Variants in AUTS2 observed in about 807,000 individuals in gnomAD.
AUTS2 encodes activator of transcription and developmental regulator AUTS2, also known as autism susceptibility gene 2 protein.
A neutral mutation model predicts 112.4 loss-of-function variants in AUTS2; 17 were observed. The ratio of observed to expected loss-of-function variants is 0.15; its 90% confidence interval spans 0.10 to 0.23. The LOEUF is 0.23. AUTS2 is among the 10% of genes least tolerant of loss of function. AUTS2 has a pLI of 1.00. For synonymous variants in AUTS2, 751 were observed against 702.7 expected, an observed-to-expected ratio of 1.07 and a Z score of -1.09; for missense variants, 1,510 against 1,701.6, an observed-to-expected ratio of 0.89 and a Z score of 1.98.
chr7:69,731,784 G>T (rs1223495219), intron 1 of AUTS2, among the ~76,000 whole-genome samples: 1 of 152,102 alleles, frequency 6.6e-6, no homozygotes, highest in Non-Finnish European at 1.5e-5. Context: ...TGAACACAAA[G>T]GTTATGTCTT....
At chr7:69,926,966 T>C (rs1328503530) in intron 2 of AUTS2, among the ~76,000 whole-genome samples, 2 of 146,620 alleles carry the variant, frequency 1.4e-5, no homozygotes, top group East Asian at 2.0e-4. Flanking sequence ...AACATATATA[T>C]TATATATATA....
intron 2 of AUTS2, among the ~76,000 whole-genome samples, chr7:69,987,599 G>A (rs1276275127): frequency 1.3e-5 from 2 of 152,042 alleles, no homozygotes; most frequent in East Asian, 1.9e-4. Context: ...CTCTGTAGCC[G>A]GGACTACAGG....
intron 5 of AUTS2, among the ~76,000 whole-genome samples, chr7:70,558,135 A>G (rs977539203): frequency 6.6e-6 from 1 of 152,056 alleles, no homozygotes; most frequent in Non-Finnish European, 1.5e-5. Context: ...CAGAAGTTGG[A>G]GTTCTGACAG....
At chr7:70,047,213 G>C (rs1331731096) in intron 2 of AUTS2, among the ~76,000 whole-genome samples, 3 of 152,142 alleles carry the variant, frequency 2.0e-5, no homozygotes. Flanking sequence ...GGCCAGTACT[G>C]CCTCTTTAGA....
chr7:70,762,396 C>T (rs537368895), intron 6 of AUTS2, among the ~76,000 whole-genome samples: 6 of 152,088 alleles, frequency 3.9e-5, no homozygotes, highest in East Asian at 1.9e-4. Context: ...CTCAGCCTCC[C>T]GAGTAGCTTG....
intron 1 of AUTS2, among the ~76,000 whole-genome samples, chr7:69,701,744 A>G (rs372138659): frequency 7.9e-5 from 12 of 152,220 alleles, no homozygotes; most frequent in East Asian, 3.8e-4. Flanking sequence ...AGTCTCATAA[A>G]AGAGCTTGAG....
chr7:69,765,001 A>T (rs1788358838), intron 1 of AUTS2, among the ~76,000 whole-genome samples: 1 of 152,146 alleles, frequency 6.6e-6, no homozygotes, highest in Non-Finnish European at 1.5e-5. Context: ...AATATTTCTG[A>T]GAGTTTTAAA....
intron 18 of AUTS2, among the ~76,000 whole-genome samples, chr7:70,789,044 G>A (rs1791701641): frequency 6.6e-6 from 1 of 152,174 alleles, no homozygotes; most frequent in African/African-American, 2.4e-5. Flanking sequence ...TTCGTGTTTA[G>A]GGACCTGCTT....
At chr7:70,112,454 A>G (rs970129573) in intron 2 of AUTS2, among the ~76,000 whole-genome samples, 1 of 152,028 alleles carries the variant, frequency 6.6e-6, no homozygotes, top group Non-Finnish European at 1.5e-5. Context: ...ACTGTATATT[A>G]ACTAAGTCAA....
At chr7:70,550,477 C>T (rs1800973839) in intron 5 of AUTS2, among the ~76,000 whole-genome samples, 1 of 152,110 alleles carries the variant, frequency 6.6e-6, no homozygotes, top group Admixed American at 6.6e-5. Context: ...CCTGTGTCCT[C>T]AAAGAAGTTA....
intron 5 of AUTS2, among the ~76,000 whole-genome samples, chr7:70,564,540 G>A (rs1801623515): frequency 1.3e-5 from 2 of 152,128 alleles, no homozygotes; most frequent in African/African-American, 4.8e-5. Flanking sequence ...TTCAAGCTTA[G>A]TCTATTAATA....
chr7:70,101,537 A>G (rs1220833927), intron 2 of AUTS2, among the ~76,000 whole-genome samples: 1 of 152,078 alleles, frequency 6.6e-6, no homozygotes, highest in Non-Finnish European at 1.5e-5. Context: ...TTTACTAAAA[A>G]TACAAAAATT....
chr7:69,980,268 A>G (rs1404631358), intron 2 of AUTS2, among the ~76,000 whole-genome samples: 2 of 152,076 alleles, frequency 1.3e-5, no homozygotes, highest in Admixed American at 6.6e-5. Flanking sequence ...ACCTTTTAAA[A>G]CTTATTTTTC....
intron 4 of AUTS2, among the ~76,000 whole-genome samples, chr7:70,412,958 G>A (rs762410597): frequency 3.3e-5 from 5 of 152,150 alleles, no homozygotes; most frequent in Non-Finnish European, 7.3e-5. Context: ...CCACTGCACT[G>A]CAGTCTGGGC....
At chr7:69,968,188 ATT>A (rs1236969890) in intron 2 of AUTS2, among the ~76,000 whole-genome samples, 3 of 152,188 alleles carry the variant, frequency 2.0e-5, no homozygotes, top group African/African-American at 7.2e-5. Context: ...GTCACTTCCT[ATT>A]ACCTGTTGGC....
chr7:70,723,063 C>T (rs145217732), intron 6 of AUTS2, among the ~76,000 whole-genome samples: 2,930 of 152,158 alleles, frequency 0.019, 46 homozygotes, highest in East Asian at 0.06. Context: ...TGGAAAGTGA[C>T]GAGTCGGGGA....
chr7:69,630,305 C>T (rs1364702419), intron 1 of AUTS2, among the ~76,000 whole-genome samples: 1 of 152,134 alleles, frequency 6.6e-6, no homozygotes, highest in African/African-American at 2.4e-5. Flanking sequence ...AAATTTTATC[C>T]ATGTCAGGAA....
chr7:69,735,510 C>T (rs1786990214), intron 1 of AUTS2, among the ~76,000 whole-genome samples: 1 of 152,110 alleles, frequency 6.6e-6, no homozygotes. Flanking sequence ...ACCCATGAAA[C>T]TATTATTTTC....
intron 3 of AUTS2, among the ~76,000 whole-genome samples, chr7:70,125,381 A>C (rs1373254966): frequency 1.3e-5 from 2 of 152,018 alleles, no homozygotes; most frequent in African/African-American, 2.4e-5. Flanking sequence ...TACTTTGCCT[A>C]ATGCCTAACG....
Sources: allele counts gnomAD v4.1 joint callset (sites outside exome capture counted in the v4.1 genomes callset), GRCh38; gene constraint gnomAD v4.1.1; transcripts MANE v1.5; gene names NCBI Gene and HGNC (gene_info 2026-07-23, HGNC 2026-07-21).